OTULIN: variants seen among roughly 807,000 people sequenced by gnomAD.
OTULIN encodes the protein OTU deubiquitinase with linear linkage specificity, also known as ubiquitin thioesterase otulin.
Under a neutral mutation model 39.6 loss-of-function variants are expected in OTULIN, and 15 were observed. That is an observed-to-expected ratio of 0.38 (90% confidence interval 0.25 to 0.58). The LOEUF (loss-of-function observed/expected upper bound fraction) is 0.58, where lower values mean the gene tolerates loss of function less well. OTULIN is among the 20% of genes least tolerant of loss of function. OTULIN has a pLI of 0.66. For missense variants in OTULIN, 319 were observed against 445.9 expected (o/e 0.72, Z 2.56); for synonymous variants, 156 against 170.3 (o/e 0.92, Z 0.65).
chr5:14,700,283 A>G (rs1347833858), downstream of OTULIN, among the ~76,000 whole-genome samples: 3 of 152,230 alleles, frequency 2.0e-5, no homozygotes, highest in Admixed American at 1.3e-4. Context: ...GCAAGTAACA[A>G]TAACTCACTC....
chr5:14,667,316 C>T (rs1486718888), intron 1 of OTULIN, among the ~76,000 whole-genome samples: 2 of 152,202 alleles, frequency 1.3e-5, no homozygotes, highest in Non-Finnish European at 2.9e-5. Context: ...CTAAGCTCAT[C>T]GCATTTCACA....
At chr5:14,703,696 C>A (rs1351620997), downstream of OTULIN, among the ~76,000 whole-genome samples, 1 of 152,146 alleles carries the variant, frequency 6.6e-6, no homozygotes, top group Non-Finnish European at 1.5e-5. Context: ...TTTAAGGCAA[C>A]CAGGAACTGA....
intron 2 of OTULIN, among the ~76,000 whole-genome samples, chr5:14,677,554 T>G (rs1054343505): frequency 6.6e-6 from 1 of 152,188 alleles, no homozygotes; most frequent in African/African-American, 2.4e-5. Flanking sequence ...TGCGTGTATA[T>G]GCACATACCA....
intron 1 of OTULIN, among the ~76,000 whole-genome samples, chr5:14,668,621 A>G (rs1380207686): frequency 6.6e-6 from 1 of 152,208 alleles, no homozygotes; most frequent in African/African-American, 2.4e-5. Context: ...TAAGTTAAGT[A>G]TGAACTGCAG....
the OTULIN span, among the ~76,000 whole-genome samples, chr5:14,715,847 T>TA: frequency 1.3e-5 from 2 of 152,238 alleles, no homozygotes; most frequent in Admixed American, 6.5e-5. Context: ...ATTGGCTTGG[T>TA]ATAATAACTT....
chr5:14,675,016 A>C (rs1463797497), intron 2 of OTULIN, among the ~76,000 whole-genome samples: 1 of 152,326 alleles, frequency 6.6e-6, no homozygotes. Context: ...GTGGATGCCT[A>C]ATGATTTCTC....
chr5:14,704,335 A>AT (rs1736876690), downstream of OTULIN, among the ~76,000 whole-genome samples: 1 of 148,272 alleles, frequency 6.7e-6, no homozygotes, highest in African/African-American at 2.5e-5. Flanking sequence ...GTCTCAAAAA[A>AT]AAAAAAAAAA....
chr5:14,710,633 A>C, the OTULIN span: 8 of 162,844 alleles, frequency 4.9e-5, no homozygotes, highest in African/African-American at 1.7e-4. Flanking sequence ...TCCGGGCTGC[A>C]GCGTGCCACC....
chr5:14,703,774 C>G (rs571046516), downstream of OTULIN, among the ~76,000 whole-genome samples: 3 of 152,040 alleles, frequency 2.0e-5, no homozygotes, highest in Non-Finnish European at 4.4e-5. Flanking sequence ...GCACTGTGGC[C>G]GGGAGCACAG....
chr5:14,681,819 A>G (rs189211465), intron 4 of OTULIN, among the ~76,000 whole-genome samples: 4 of 152,348 alleles, frequency 2.6e-5, no homozygotes, highest in South Asian at 4.1e-4. Context: ...TAAAATTTAT[A>G]TGAACAATTT....
At position 14,673,701 on chromosome 5, in the gene OTULIN, A is replaced by G. The variant is rs1201643290; in HGVS notation, c.212A>G (p.His71Arg). ...GAAAAGGAGAAAGAATTGCTTATACATGAAAGAGGGGCATCAGGTATGTTT... is the reference window on the plus strand; with the variant it reads ...GAAAAGGAGAAAGAATTGCTTATACGTGAAAGAGGGGCATCAGGTATGTTT... ...EIEKEKELLI[H>R]ERGASEPRLS... The change falls in exon 2 of 7, where the codon CAT becomes CGT. Residue 71 changes from histidine (H) to arginine (R), a missense_variant. Physicochemically the swap from His to Arg is conservative, Grantham distance 29 (BLOSUM62 0). This residue lies in a region of OTULIN where 132 missense variants were observed against 143.7 expected (regional missense o/e 0.92). Coordinates refer to ENST00000284274, the MANE Select transcript of OTULIN (RefSeq NM_138348.6). 2.5e-6 allele frequency: 4 copies of G among 1,613,644 alleles called. No homozygotes were observed. Among genetic ancestry groups the G allele is most frequent in the Non-Finnish European group, 3.4e-6 (4 of 1,179,736 alleles).
chr5:14,693,475 A>G lies in OTULIN; in HGVS notation c.*427A>G, dbSNP rs1343865855. ...GTAACGGGTTTCTATAGATCTTCCT[A>G]TACAGTCTGCTTTAACTCAGGACCT... On this transcript the variant is annotated 3_prime_UTR_variant, in exon 7 of 7. Transcript: ENST00000284274. The G allele has an allele frequency of 6.3e-6, 1 of 157,738 alleles. No individual in the cohort carries two copies. The highest frequency in any genetic ancestry group is 1.4e-5 in the Non-Finnish European group (1 of 71,686). 9.8% of individuals were successfully genotyped at this position (157,738 alleles called of 1,614,324 possible).
intron 1 of OTULIN, among the ~76,000 whole-genome samples, chr5:14,667,475 C>T (rs749684369): frequency 4.8e-4 from 73 of 152,302 alleles, no homozygotes; most frequent in African/African-American, 1.4e-3. Flanking sequence ...TGGGCTCAAG[C>T]GATCCTCCCA....
intron 4 of OTULIN, among the ~76,000 whole-genome samples, chr5:14,682,584 G>A (rs56297478): frequency 0.019 from 2,893 of 152,226 alleles, 89 homozygotes; most frequent in African/African-American, 0.066. Flanking sequence ...AATGCTAGCC[G>A]TGGGAGATTG....
chr5:14,680,133 G>A (rs1736209061), intron 3 of OTULIN, among the ~76,000 whole-genome samples: 1 of 152,160 alleles, frequency 6.6e-6, no homozygotes, highest in African/African-American at 2.4e-5. Context: ...ATTTGGAAAG[G>A]TACAGCTGCA....
downstream of OTULIN, among the ~76,000 whole-genome samples, chr5:14,700,655 G>C (rs1480805247): frequency 7.1e-6 from 1 of 140,972 alleles, no homozygotes; most frequent in African/African-American, 2.7e-5. Flanking sequence ...CTCCCGCTGT[G>C]CCTACCCTCC....
chr5:14,667,161 C>G (rs923806372), intron 1 of OTULIN, among the ~76,000 whole-genome samples: 5 of 152,100 alleles, frequency 3.3e-5, no homozygotes, highest in African/African-American at 1.2e-4. Context: ...ATTCAGTGGA[C>G]AGTAATTACA....
chr5:14,691,317 A>C (rs1372753241), intron 6 of OTULIN, among the ~76,000 whole-genome samples: 2 of 152,204 alleles, frequency 1.3e-5, no homozygotes, highest in Non-Finnish European at 2.9e-5. Context: ...TAGAGAGCTG[A>C]GTTAGTTTCC....
chr5:14,683,866 T>A (rs1736319578), intron 4 of OTULIN, among the ~76,000 whole-genome samples: 1 of 152,074 alleles, frequency 6.6e-6, no homozygotes, highest in South Asian at 2.1e-4. Context: ...AAGTACAATG[T>A]CTCCCCCCCT....
Sources: gnomAD v4.1 joint callset for allele counts (sites outside exome capture counted in the v4.1 genomes callset) on GRCh38, gnomAD v4.1.1 for gene constraint, gnomAD v4.1.1 regional missense constraint, MANE v1.5 for transcripts, NCBI Gene and HGNC (gene_info 2026-07-23, HGNC 2026-07-21) for gene names.